The following TAS2R1 variants were observed in gnomAD, a reference collection of about 807,000 sequenced individuals.
TAS2R1 encodes the protein taste 2 receptor member 1, also known as taste receptor type 2 member 1.
For synonymous variants in TAS2R1, 141 were observed against 134.2 expected (o/e 1.05, Z -0.35); for missense variants, 370 against 353.4 (o/e 1.05, Z -0.38).
the TAS2R1 span, among the ~76,000 whole-genome samples, chr5:9,801,827 C>T: frequency 7.2e-5 from 11 of 152,298 alleles, no homozygotes; most frequent in East Asian, 2.1e-3. Flanking sequence ...GGGAACATAA[C>T]TCCATTGGAC....
chr5:9,900,166 A>C, the TAS2R1 span, among the ~76,000 whole-genome samples: 1 of 152,204 alleles, frequency 6.6e-6, no homozygotes, highest in Non-Finnish European at 1.5e-5. Flanking sequence ...TTAGTTTTAT[A>C]CACAAGCTTC....
chr5:9,761,047 A>T, the TAS2R1 span: 2 of 152,210 alleles, frequency 1.3e-5, no homozygotes, highest in Non-Finnish European at 2.9e-5. Flanking sequence ...AAACCCCCTA[A>T]GAATCCACAA....
At chr5:9,864,596 T>A in the TAS2R1 span, among the ~76,000 whole-genome samples, 1 of 149,028 alleles carries the variant, frequency 6.7e-6, no homozygotes, top group Non-Finnish European at 1.5e-5. Flanking sequence ...TCGCGCCACT[T>A]CACTCCAGCC....
chr5:9,795,599 C>T, the TAS2R1 span, among the ~76,000 whole-genome samples: 1 of 152,188 alleles, frequency 6.6e-6, no homozygotes, highest in Non-Finnish European at 1.5e-5. Flanking sequence ...GGCATAATTT[C>T]CCTTTCCTGG....
At chr5:9,647,253 T>G (rs548693879) in intron 2 of TAS2R1, among the ~76,000 whole-genome samples, 19 of 152,332 alleles carry the variant, frequency 1.2e-4, no homozygotes, top group African/African-American at 4.1e-4. Flanking sequence ...CATAAGACCC[T>G]GTACCTTGAC....
At chr5:9,744,382 G>T in the TAS2R1 span, among the ~76,000 whole-genome samples, 4 of 152,126 alleles carry the variant, frequency 2.6e-5, no homozygotes, top group African/African-American at 9.7e-5. Context: ...AGTTTTTATG[G>T]AAAATAAGAT....
intron 1 of TAS2R1, among the ~76,000 whole-genome samples, chr5:9,669,431 C>A (rs751559880): frequency 6.6e-6 from 1 of 152,158 alleles, no homozygotes; most frequent in Non-Finnish European, 1.5e-5. Flanking sequence ...ATCTACAGAA[C>A]TCTGTACCCC....
chr5:9,855,339 T>A, the TAS2R1 span, among the ~76,000 whole-genome samples: 1 of 152,214 alleles, frequency 6.6e-6, no homozygotes, highest in Non-Finnish European at 1.5e-5. Flanking sequence ...GTTCTTTAGA[T>A]GGAAGGTGCA....
intron 1 of TAS2R1, among the ~76,000 whole-genome samples, chr5:9,699,931 T>C (rs1734350109): frequency 1.3e-5 from 2 of 152,250 alleles, no homozygotes; most frequent in South Asian, 2.1e-4. Context: ...ATCACAAGTA[T>C]GCATCCCTGA....
the TAS2R1 span, among the ~76,000 whole-genome samples, chr5:9,767,783 G>T: frequency 1.3e-5 from 2 of 152,106 alleles, no homozygotes. Flanking sequence ...AAACTGGCTG[G>T]CATGGTGGCG....
At chr5:9,761,941 G>T in the TAS2R1 span, among the ~76,000 whole-genome samples, 1 of 152,156 alleles carries the variant, frequency 6.6e-6, no homozygotes, top group South Asian at 2.1e-4. Flanking sequence ...GACTCCTCAG[G>T]AGAGATGCAG....
chr5:9,797,395 G>C, the TAS2R1 span, among the ~76,000 whole-genome samples: 1 of 152,150 alleles, frequency 6.6e-6, no homozygotes, highest in Non-Finnish European at 1.5e-5. Flanking sequence ...GGGGTACTTG[G>C]AAGACAAGGC....
At chr5:9,756,593 T>C in the TAS2R1 span, among the ~76,000 whole-genome samples, 1 of 152,192 alleles carries the variant, frequency 6.6e-6, no homozygotes, top group Non-Finnish European at 1.5e-5. Flanking sequence ...ACATAGCACA[T>C]AAAACAAAAT....
the TAS2R1 span, among the ~76,000 whole-genome samples, chr5:9,733,827 G>C: frequency 6.7e-6 from 1 of 148,382 alleles, no homozygotes; most frequent in Non-Finnish European, 1.5e-5. Flanking sequence ...CACCACCTCC[G>C]AAAAGAAAAA....
intron 2 of TAS2R1, among the ~76,000 whole-genome samples, chr5:9,655,714 A>C (rs1740403516): frequency 6.6e-6 from 1 of 152,172 alleles, no homozygotes; most frequent in South Asian, 2.1e-4. Context: ...AAATATAGGA[A>C]TAAACAATTC....
chr5:9,848,453 G>A, the TAS2R1 span, among the ~76,000 whole-genome samples: 1 of 152,092 alleles, frequency 6.6e-6, no homozygotes, highest in African/African-American at 2.4e-5. Context: ...ACATTATGCC[G>A]ATTTTACTCC....
chr5:9,687,822 C>G (rs1376235578), intron 1 of TAS2R1, among the ~76,000 whole-genome samples: 1 of 152,166 alleles, frequency 6.6e-6, no homozygotes, highest in Non-Finnish European at 1.5e-5. Context: ...TCTTCATTTC[C>G]CTTTCCCATA....
the TAS2R1 span, among the ~76,000 whole-genome samples, chr5:9,739,168 G>A: frequency 6.6e-6 from 1 of 152,054 alleles, no homozygotes; most frequent in Admixed American, 6.6e-5. Flanking sequence ...TGATAGTCCC[G>A]TATTCATAAG....
At chr5:9,678,282 C>T (rs1482952046) in intron 1 of TAS2R1, among the ~76,000 whole-genome samples, 1 of 152,108 alleles carries the variant, frequency 6.6e-6, no homozygotes, top group African/African-American at 2.4e-5. Flanking sequence ...CAAGAAACAA[C>T]AGATGCTGGT....
Sources: allele counts gnomAD v4.1 joint callset (sites outside exome capture counted in the v4.1 genomes callset), GRCh38; gene constraint gnomAD v4.1.1; transcripts MANE v1.5; gene names NCBI Gene and HGNC (gene_info 2026-07-23, HGNC 2026-07-21).